The following EPHA6 variants were observed in gnomAD, a reference collection of about 807,000 sequenced individuals.
EPHA6 encodes EPH receptor A6.
EPHA6 carries 50 observed loss-of-function variants against 112.0 expected under a neutral mutation model. That is an observed-to-expected ratio of 0.45 (90% CI 0.36 to 0.56). The LOEUF is 0.56. Ranked by LOEUF, EPHA6 falls within the 20% of genes least tolerant of loss-of-function variation. The probability of loss-of-function intolerance (pLI) is 0.00; values close to 1 mark genes in which losing one functional copy is unlikely to be tolerated. For missense variants in EPHA6, 1,280 were observed against 1,417.4 expected (o/e 0.90, Z 1.56); for synonymous variants, 529 against 490.7 (o/e 1.08, Z -1.03).
intron 3 of EPHA6, among the ~76,000 whole-genome samples, chr3:97,225,571 T>A (rs1181155726): frequency 6.6e-6 from 1 of 152,182 alleles, no homozygotes; most frequent in East Asian, 1.9e-4. Flanking sequence ...TAATAAGTTA[T>A]TGAAGAGACT....
intron 3 of EPHA6, among the ~76,000 whole-genome samples, chr3:97,191,195 A>G (rs1411534139): frequency 6.6e-6 from 1 of 152,074 alleles, no homozygotes; most frequent in Non-Finnish European, 1.5e-5. Flanking sequence ...TCATGGGTAC[A>G]TAGTAGGTAT....
At chr3:97,199,529 C>T (rs2077525934) in intron 3 of EPHA6, among the ~76,000 whole-genome samples, 1 of 152,096 alleles carries the variant, frequency 6.6e-6, no homozygotes, top group South Asian at 2.1e-4. Flanking sequence ...TGAGAACCAC[C>T]CATGTTCCTG....
chr3:97,219,864 C>A (rs1050092113), intron 3 of EPHA6, among the ~76,000 whole-genome samples: 1 of 152,164 alleles, frequency 6.6e-6, no homozygotes, highest in African/African-American at 2.4e-5. Flanking sequence ...TGCTCTACTT[C>A]CCTTTTAAAC....
intron 5 of EPHA6, among the ~76,000 whole-genome samples, chr3:97,373,023 G>T (rs1455598028): frequency 6.6e-6 from 1 of 152,032 alleles, no homozygotes; most frequent in Non-Finnish European, 1.5e-5. Context: ...ACATTATTGT[G>T]CTTTTCTGTT....
chr3:97,530,046 T>C (rs558833500), intron 10 of EPHA6, among the ~76,000 whole-genome samples: 11 of 152,106 alleles, frequency 7.2e-5, no homozygotes, highest in African/African-American at 2.6e-4. Context: ...AAAATATTAC[T>C]GGATTTTTAT....
intron 5 of EPHA6, among the ~76,000 whole-genome samples, chr3:97,347,354 T>C (rs1389271116): frequency 6.6e-6 from 1 of 152,150 alleles, no homozygotes; most frequent in African/African-American, 2.4e-5. Context: ...TTTTCTTAGA[T>C]ATAAAATACA....
At chr3:97,664,404 C>T (rs1471750273) in intron 14 of EPHA6, among the ~76,000 whole-genome samples, 4 of 152,144 alleles carry the variant, frequency 2.6e-5, no homozygotes, top group Non-Finnish European at 5.9e-5. Context: ...CCTTTGAAAA[C>T]TGGTACAAGA....
At chr3:97,365,606 T>G (rs1479787503) in intron 5 of EPHA6, among the ~76,000 whole-genome samples, 1 of 152,154 alleles carries the variant, frequency 6.6e-6, no homozygotes, top group Non-Finnish European at 1.5e-5. Flanking sequence ...GCCAGGATGG[T>G]CTCGATCTCC....
At chr3:97,170,244 T>C (rs1328738292) in intron 3 of EPHA6, among the ~76,000 whole-genome samples, 1 of 152,122 alleles carries the variant, frequency 6.6e-6, no homozygotes, top group Admixed American at 6.6e-5. Context: ...TTGAAGGCAA[T>C]GAGCAAGTTA....
At chr3:97,325,585 G>A (rs1368211421) in intron 5 of EPHA6, among the ~76,000 whole-genome samples, 1 of 152,016 alleles carries the variant, frequency 6.6e-6, no homozygotes, top group Non-Finnish European at 1.5e-5. Context: ...CCTAGCATCC[G>A]TGTAAAGTAC....
intron 3 of EPHA6, among the ~76,000 whole-genome samples, chr3:97,192,603 T>G (rs146222800): frequency 8.5e-5 from 13 of 152,286 alleles, no homozygotes; most frequent in African/African-American, 2.9e-4. Flanking sequence ...GATTGTTTCC[T>G]TTACTGTGCA....
At position 96,979,485 on chromosome 3, in the gene EPHA6, AT is replaced by A. The variant is rs1238832477; in HGVS notation, c.451-7843del. Among the ~76,000 whole-genome samples, 4 of 152,142 alleles carry A rather than the reference AT, an allele frequency of 2.6e-5. No individual in the cohort carries two copies. The East Asian group carries it at 7.7e-4, about 29-fold the overall frequency. ...TTTGGGTTGGTTCTAAGTCTTTGCT[AT>A]TGTGAATAGTGCCACAATAAACATA... On this transcript the variant is annotated intron_variant, in intron 2 of 17. Transcript: ENST00000389672.
At chr3:96,882,840 T>C (rs1367664854) in intron 2 of EPHA6, among the ~76,000 whole-genome samples, 1 of 152,078 alleles carries the variant, frequency 6.6e-6, no homozygotes, top group African/African-American at 2.4e-5. Flanking sequence ...GATGGGTATT[T>C]GGGTTGGTTC....
chr3:97,215,978 G>A (rs1468545474), intron 3 of EPHA6, among the ~76,000 whole-genome samples: 1 of 152,248 alleles, frequency 6.6e-6, no homozygotes, highest in East Asian at 1.9e-4. Context: ...TATATGGAAT[G>A]TTTACTCTAA....
chr3:97,219,866 C>T (rs117405136), intron 3 of EPHA6, among the ~76,000 whole-genome samples: 2 of 152,108 alleles, frequency 1.3e-5, no homozygotes, highest in Non-Finnish European at 2.9e-5. Context: ...CTCTACTTCC[C>T]TTTTAAACGT....
chr3:97,563,684 C>T (rs1215946429), intron 11 of EPHA6, among the ~76,000 whole-genome samples: 1 of 151,996 alleles, frequency 6.6e-6, no homozygotes, highest in Non-Finnish European at 1.5e-5. Context: ...GTTCCTGGTC[C>T]CAATATGAAA....
At chr3:97,192,887 T>C (rs974785181) in intron 3 of EPHA6, among the ~76,000 whole-genome samples, 2 of 152,024 alleles carry the variant, frequency 1.3e-5, no homozygotes, top group Non-Finnish European at 2.9e-5. Flanking sequence ...AAAGACAAAA[T>C]AAAAGACTGA....
intron 14 of EPHA6, among the ~76,000 whole-genome samples, chr3:97,679,749 A>G (rs1207147689): frequency 6.6e-6 from 1 of 152,110 alleles, no homozygotes; most frequent in Non-Finnish European, 1.5e-5. Flanking sequence ...ATTTCCCGGA[A>G]AAATTCTTCC....
At chr3:96,960,581 T>C (rs1190265222) in intron 2 of EPHA6, among the ~76,000 whole-genome samples, 1 of 152,214 alleles carries the variant, frequency 6.6e-6, no homozygotes, top group Non-Finnish European at 1.5e-5. Flanking sequence ...TGAGTTTTCA[T>C]GATGGAGTGT....
Sources: allele counts gnomAD v4.1 joint callset (sites outside exome capture counted in the v4.1 genomes callset), GRCh38; gene constraint gnomAD v4.1.1; transcripts MANE v1.5; gene names NCBI Gene and HGNC (gene_info 2026-07-23, HGNC 2026-07-21).